The following KHDRBS2 variants were observed in gnomAD, a reference collection of about 807,000 sequenced individuals.
KHDRBS2 encodes the protein KH domain-containing, RNA-binding, signal transduction-associated protein 2.
Under a neutral mutation model 44.3 loss-of-function variants are expected in KHDRBS2, and 26 were observed. That is an observed-to-expected ratio of 0.59 (90% CI 0.43 to 0.81). KHDRBS2 has a LOEUF of 0.81. Among genes scored for constraint, KHDRBS2 ranks in the 40% least tolerant of loss-of-function variants. The pLI, the probability that KHDRBS2 is intolerant of heterozygous loss-of-function variation, is 0.00. For missense variants in KHDRBS2, 476 were observed against 433.1 expected (o/e 1.10, Z -0.88); for synonymous variants, 194 against 151.1 (o/e 1.28, Z -2.08).
chr6:62,282,171 T>C (rs1246677513), intron 1 of KHDRBS2, among the ~76,000 whole-genome samples: 3 of 152,206 alleles, frequency 2.0e-5, no homozygotes, highest in African/African-American at 4.8e-5. Context: ...ATGGTTCTTA[T>C]TGATAATCTA....
chr6:62,282,130 A>C (rs926397908), intron 1 of KHDRBS2, among the ~76,000 whole-genome samples: 31 of 152,306 alleles, frequency 2.0e-4, no homozygotes, highest in African/African-American at 7.5e-4. Context: ...GCTTTATGAA[A>C]AATATTTAAG....
chr6:62,066,109 T>G (rs1793647726), intron 2 of KHDRBS2, among the ~76,000 whole-genome samples: 1 of 151,236 alleles, frequency 6.6e-6, no homozygotes, highest in South Asian at 2.1e-4. Context: ...CTCAAGTTTT[T>G]ACTCAAAAAG....
intron 1 of KHDRBS2, among the ~76,000 whole-genome samples, 192 bp downstream of exon 1, chr6:62,285,666 C>T (rs1172770448): frequency 6.6e-6 from 1 of 152,138 alleles, no homozygotes; most frequent in Non-Finnish European, 1.5e-5. Context: ...CAAATTAAGA[C>T]GTGGAGAAGG....
chr6:62,045,012 T>G (rs2127303285), intron 3 of KHDRBS2, among the ~76,000 whole-genome samples: 1 of 152,046 alleles, frequency 6.6e-6, no homozygotes, highest in African/African-American at 2.4e-5. Context: ...CATCTAGCAC[T>G]TAAGGGGGAG....
chr6:61,664,554 T>G, the KHDRBS2 span, among the ~76,000 whole-genome samples: 5 of 151,726 alleles, frequency 3.3e-5, no homozygotes, highest in African/African-American at 1.2e-4. Context: ...TTAACAGAAC[T>G]GTAGCCATCT....
At chr6:62,239,848 A>G (rs1022639578) in intron 1 of KHDRBS2, among the ~76,000 whole-genome samples, 2 of 151,578 alleles carry the variant, frequency 1.3e-5, no homozygotes, top group Non-Finnish European at 2.9e-5. Context: ...ACCATGCCCG[A>G]CCAATTTTTG....
At chr6:62,002,870 T>G (rs1293676556) in intron 3 of KHDRBS2, among the ~76,000 whole-genome samples, 2 of 151,996 alleles carry the variant, frequency 1.3e-5, no homozygotes, top group East Asian at 3.9e-4. Context: ...AATATGAGAT[T>G]CTATAACAGA....
chr6:61,950,092 TAAA>T (rs1764432746), intron 4 of KHDRBS2, among the ~76,000 whole-genome samples: 1 of 152,060 alleles, frequency 6.6e-6, no homozygotes, highest in Non-Finnish European at 1.5e-5. Context: ...ATTGCATGAC[TAAA>T]AATTCCTGTA....
chr6:61,597,928 T>C, the KHDRBS2 span, among the ~76,000 whole-genome samples: 1 of 142,748 alleles, frequency 7.0e-6, no homozygotes, highest in Non-Finnish European at 1.5e-5. Flanking sequence ...TTTTTTTTAA[T>C]GGCCTAATAC....
intron 6 of KHDRBS2, among the ~76,000 whole-genome samples, chr6:61,813,702 G>T (rs1322217275): frequency 6.6e-6 from 1 of 152,110 alleles, no homozygotes. Flanking sequence ...TCCCTGCTCA[G>T]TTCTACTAGC....
In KHDRBS2 at chr6:62,286,003, G is replaced by A; in HGVS notation, c.-55C>T. ...AGCGCGAGGTTCCGCTCGCTCGGAC[G>A]CAGGCAGGGTCTTGGGGCAGCGCCT... On this transcript the variant is annotated 5_prime_UTR_variant, in exon 1 of 9. Coordinates refer to ENST00000281156, the MANE Select transcript of KHDRBS2 (RefSeq NM_152688.4). The A allele has an allele frequency of 8.9e-7, 1 of 1,120,094 alleles. No individual in the cohort carries two copies. Among genetic ancestry groups the A allele is most frequent in the South Asian group, 1.3e-5 (1 of 78,498 alleles). 69.4% of individuals were successfully genotyped at this position (1,120,094 alleles called of 1,614,324 possible). A position where few individuals can be genotyped will look rare whatever the true frequency, so the allele number is the denominator to read the frequency against.
At chr6:61,881,977 G>A (rs555808800) in intron 6 of KHDRBS2, among the ~76,000 whole-genome samples, 5 of 151,958 alleles carry the variant, frequency 3.3e-5, no homozygotes, top group Non-Finnish European at 7.4e-5. Flanking sequence ...TACAACATGG[G>A]CTAAATTACA....
intron 1 of KHDRBS2, among the ~76,000 whole-genome samples, chr6:62,257,609 T>C (rs1837607997): frequency 6.6e-6 from 1 of 152,046 alleles, no homozygotes; most frequent in African/African-American, 2.4e-5. Flanking sequence ...TCCTCTGATA[T>C]CTGGGCAGAG....
intron 1 of KHDRBS2, among the ~76,000 whole-genome samples, chr6:62,201,296 C>T (rs2150138441): frequency 6.6e-6 from 1 of 151,934 alleles, no homozygotes; most frequent in East Asian, 1.9e-4. Context: ...AGAAAGAAAG[C>T]TTATACTAAA....
intron 2 of KHDRBS2, among the ~76,000 whole-genome samples, chr6:62,098,856 A>T (rs1801231787): frequency 6.6e-6 from 1 of 152,012 alleles, no homozygotes; most frequent in Non-Finnish European, 1.5e-5. Context: ...CCCTCCATGT[A>T]TTTCAAATAG....
At chr6:61,640,605 C>A in the KHDRBS2 span, among the ~76,000 whole-genome samples, 1 of 152,186 alleles carries the variant, frequency 6.6e-6, no homozygotes, top group Non-Finnish European at 1.5e-5. Flanking sequence ...AACTGTCTGG[C>A]TTAAGAAGGT....
intron 3 of KHDRBS2, among the ~76,000 whole-genome samples, chr6:61,983,106 A>G (rs1212711853): frequency 6.6e-6 from 1 of 152,074 alleles, no homozygotes; most frequent in Non-Finnish European, 1.5e-5. Flanking sequence ...AACTCGTTAT[A>G]TAACCATAGT....
At chr6:61,731,116 CTT>C (rs1774369764) in intron 7 of KHDRBS2, among the ~76,000 whole-genome samples, 1 of 152,012 alleles carries the variant, frequency 6.6e-6, no homozygotes, top group Admixed American at 6.6e-5. Flanking sequence ...AGTTATGGAA[CTT>C]TGTTATCACT....
chr6:62,105,117 TA>T (rs1207097619), intron 2 of KHDRBS2, among the ~76,000 whole-genome samples: 2 of 152,048 alleles, frequency 1.3e-5, no homozygotes, highest in East Asian at 1.9e-4. Context: ...CCTATATCAT[TA>T]AAAAAATGAG....
Sources: allele counts gnomAD v4.1 joint callset (sites outside exome capture counted in the v4.1 genomes callset), GRCh38; gene constraint gnomAD v4.1.1; transcripts MANE v1.5; gene names NCBI Gene and HGNC (gene_info 2026-07-23, HGNC 2026-07-21).